EIF5B: variants seen among roughly 807,000 people sequenced by gnomAD.
EIF5B encodes the protein eukaryotic translation initiation factor 5B, also known as eIF-5B.
Under a neutral mutation model 147.5 loss-of-function variants are expected in EIF5B, and 47 were observed. The ratio of observed to expected loss-of-function variants is 0.32; its 90% confidence interval spans 0.25 to 0.41. The LOEUF (loss-of-function observed/expected upper bound fraction) is 0.41, where lower values mean the gene tolerates loss of function less well. Among genes scored for constraint, EIF5B ranks in the 10% least tolerant of loss-of-function variants. The pLI, the probability that EIF5B is intolerant of heterozygous loss-of-function variation, is 1.00. For synonymous variants in EIF5B, 455 were observed against 456.2 expected, an observed-to-expected ratio of 1.00 and a Z score of 0.03; for missense variants, 1,064 against 1,413.2, an observed-to-expected ratio of 0.75 and a Z score of 3.96.
chr2:99,346,567 T>A (rs2094273754), intron 1 of EIF5B, among the ~76,000 whole-genome samples: 1 of 151,322 alleles, frequency 6.6e-6, no homozygotes, highest in African/African-American at 2.4e-5. Flanking sequence ...TGATTAGTTA[T>A]TTTAGAACAT....
chr2:99,346,024 C>G (rs190174911), intron 1 of EIF5B, among the ~76,000 whole-genome samples: 2 of 151,704 alleles, frequency 1.3e-5, no homozygotes, highest in African/African-American at 4.9e-5. Context: ...TTTAACATAG[C>G]AAATAGGCAT....
intron 9 of EIF5B, among the ~76,000 whole-genome samples, chr2:99,372,466 G>A (rs1402417066): frequency 6.6e-6 from 1 of 152,192 alleles, no homozygotes; most frequent in Non-Finnish European, 1.5e-5. Context: ...AGCCTCCAGA[G>A]TAGCTGGGAT....
intron 1 of EIF5B, among the ~76,000 whole-genome samples, chr2:99,337,810 C>T (rs1485367804): frequency 2.4e-5 from 3 of 123,516 alleles, no homozygotes; most frequent in Non-Finnish European, 5.6e-5. Context: ...CTCGCTCCCC[C>T]GGCACCCCTT....
intron 21 of EIF5B, among the ~76,000 whole-genome samples, chr2:99,395,626 T>A (rs1675027837): frequency 6.6e-6 from 1 of 152,192 alleles, no homozygotes; most frequent in Non-Finnish European, 1.5e-5. Context: ...TAAGCCACTG[T>A]GCCTGGTCTG....
chr2:99,350,870 G>T (rs1673938566), intron 1 of EIF5B, among the ~76,000 whole-genome samples: 1 of 152,128 alleles, frequency 6.6e-6, no homozygotes, highest in Non-Finnish European at 1.5e-5. Flanking sequence ...ATTTTGAGTT[G>T]ATTTTTGTTA....
chr2:99,387,208 C>G (rs996730757), intron 14 of EIF5B, among the ~76,000 whole-genome samples: 2 of 152,014 alleles, frequency 1.3e-5, no homozygotes, highest in African/African-American at 4.8e-5. Context: ...GTGCCTGGCC[C>G]CAATTAATTT....
intron 6 of EIF5B, among the ~76,000 whole-genome samples, chr2:99,364,876 AC>A (rs950122459): frequency 7.9e-6 from 1 of 126,914 alleles, no homozygotes; most frequent in African/African-American, 2.6e-5. Flanking sequence ...AGTATTCATG[AC>A]CATTTTTTTT....
intron 9 of EIF5B, among the ~76,000 whole-genome samples, chr2:99,372,618 G>C (rs1674476127): frequency 6.6e-6 from 1 of 152,214 alleles, no homozygotes; most frequent in Non-Finnish European, 1.5e-5. Context: ...GATTATAGGT[G>C]TGAGCCACCA....
At chr2:99,388,032 T>A (rs1238773824) in intron 14 of EIF5B, among the ~76,000 whole-genome samples, 7 of 152,192 alleles carry the variant, frequency 4.6e-5, no homozygotes, top group African/African-American at 1.7e-4. Context: ...ATGTTGGACA[T>A]ATTTTTCTGA....
intron 10 of EIF5B, 71 bp downstream of exon 10, chr2:99,376,707 C>A: frequency 6.6e-7 from 1 of 1,503,808 alleles, no homozygotes; most frequent in Non-Finnish European, 8.9e-7. Flanking sequence ...TACTCTACAA[C>A]TAAAGGCTTT....
intron 1 of EIF5B, chr2:99,340,776 T>A (rs568472185): frequency 1.4e-5 from 2 of 145,764 alleles, no homozygotes; most frequent in South Asian, 4.3e-4. Flanking sequence ...AAAAATCTTC[T>A]TTTTTTTTTT....
At chr2:99,382,676 C>T (rs931777205) in intron 13 of EIF5B, 104 bp from the exon 14 acceptor site, 7 of 1,152,486 alleles carry the variant, frequency 6.1e-6, no homozygotes, top group Middle Eastern at 3.0e-4. Context: ...CAATTTAATA[C>T]ATATACTCTA....
chr2:99,392,709 T>C (rs1674963085), intron 17 of EIF5B, among the ~76,000 whole-genome samples: 1 of 152,222 alleles, frequency 6.6e-6, no homozygotes, highest in Non-Finnish European at 1.5e-5. Context: ...TTATATGCGC[T>C]TATATATTCA....
chr2:99,347,068 T>G (rs978462371), intron 1 of EIF5B, among the ~76,000 whole-genome samples: 1 of 152,150 alleles, frequency 6.6e-6, no homozygotes, highest in Non-Finnish European at 1.5e-5. Flanking sequence ...TGCAGTGGTC[T>G]GATCATAGCT....
chr2:99,361,534 C>T lies in EIF5B; in HGVS notation c.633C>T (p.Asn211=). 6.2e-7 allele frequency: 1 copy of T among 1,613,576 alleles called. No homozygotes were observed. The highest frequency in any genetic ancestry group is 8.5e-7 in the Non-Finnish European group (1 of 1,179,918). Residue 211 remains asparagine (N), a synonymous_variant, in exon 4 of 24, where the codon AAC becomes AAT. Coordinates refer to ENST00000289371, the MANE Select transcript of EIF5B (RefSeq NM_015904.4). ...KKNQKNKPGP[N]IESGNEDDDA... ...ATCAGAAAAACAAGCCAGGTCCTAA[C>T]ATAGAAAGTGGGAATGAAGATGATG...
At chr2:99,398,605 A>T (rs1574944503) in intron 22 of EIF5B, 143 bp from the exon 23 acceptor site, 1 of 824,560 alleles carries the variant, frequency 1.2e-6, no homozygotes, top group East Asian at 2.8e-5. Flanking sequence ...CCAAAATGTT[A>T]CACCGTGAGT....
chr2:99,369,795 T>G (rs1166674953), intron 8 of EIF5B, among the ~76,000 whole-genome samples: 2 of 152,064 alleles, frequency 1.3e-5, no homozygotes, highest in African/African-American at 4.8e-5. Flanking sequence ...GCTAACACGG[T>G]GAAACTCCAT....
intron 6 of EIF5B, among the ~76,000 whole-genome samples, chr2:99,367,800 CT>C (rs1175278670): frequency 2.6e-5 from 4 of 152,060 alleles, no homozygotes; most frequent in African/African-American, 9.7e-5. Flanking sequence ...AGTATAGCCA[CT>C]TTGGAAAACA....
At chr2:99,339,974 G>A (rs111941994) in intron 1 of EIF5B, among the ~76,000 whole-genome samples, 1,684 of 152,188 alleles carry the variant, frequency 0.011, 12 homozygotes, top group Non-Finnish European at 0.018. Context: ...AGGGAAAGTG[G>A]TGGCAATATA....
Sources: gnomAD v4.1 joint callset for allele counts (sites outside exome capture counted in the v4.1 genomes callset) on GRCh38, gnomAD v4.1.1 for gene constraint, MANE v1.5 for transcripts, NCBI Gene and HGNC (gene_info 2026-07-23, HGNC 2026-07-21) for gene names.